The following NFATC1 variants were observed in gnomAD, a reference collection of about 807,000 sequenced individuals.
The protein encoded by NFATC1 is nuclear factor of activated T cells 1, also known as nuclear factor of activated T-cells, cytoplasmic 1.
Under a neutral mutation model 76.0 loss-of-function variants are expected in NFATC1, and 22 were observed. That is an observed-to-expected ratio of 0.29 (90% confidence interval 0.21 to 0.41). NFATC1 has a LOEUF of 0.41. NFATC1 is among the 10% of genes least tolerant of loss of function. The pLI is 1.00. For synonymous variants in NFATC1, 704 were observed against 613.1 expected, an observed-to-expected ratio of 1.15 and a Z score of -2.19; for missense variants, 1,357 against 1,337.7, an observed-to-expected ratio of 1.01 and a Z score of -0.23.
At chr18:79,418,439 G>C (rs1291441174) in intron 2 of NFATC1, among the ~76,000 whole-genome samples, 1 of 152,214 alleles carries the variant, frequency 6.6e-6, no homozygotes, top group Non-Finnish European at 1.5e-5. Flanking sequence ...GGCGAGCTCA[G>C]CCCTCTTGTC....
intron 2 of NFATC1, among the ~76,000 whole-genome samples, chr18:79,411,921 C>A (rs959573984): frequency 1.3e-5 from 2 of 152,198 alleles, no homozygotes; most frequent in Non-Finnish European, 1.5e-5. Context: ...CGGGGAATTG[C>A]ACGTGCCTGG....
intron 1 of NFATC1, 64 bp downstream of exon 1, chr18:79,396,415 C>T (rs1267789154): frequency 4.6e-5 from 49 of 1,054,120 alleles, no homozygotes; most frequent in Non-Finnish European, 5.6e-5. Flanking sequence ...CCGCGCCCCC[C>T]GACCCCGCCC....
At chr18:79,400,612 G>C (rs1287787618) in intron 1 of NFATC1, 1 of 764,256 alleles carries the variant, frequency 1.3e-6, no homozygotes, top group South Asian at 3.7e-5. Flanking sequence ...GAGGGGCTAC[G>C]GCGGGGGACG....
At chr18:79,449,328 C>T (rs1163376534) in intron 4 of NFATC1, among the ~76,000 whole-genome samples, 1 of 152,222 alleles carries the variant, frequency 6.6e-6, no homozygotes, top group Non-Finnish European at 1.5e-5. Context: ...TTAAAGCAGT[C>T]AGCACATCTG....
intron 6 of NFATC1, among the ~76,000 whole-genome samples, chr18:79,456,911 G>C (rs1280348902): frequency 6.6e-6 from 1 of 152,246 alleles, no homozygotes; most frequent in East Asian, 1.9e-4. Context: ...CCTGTGTGGA[G>C]CAGCTCAGCT....
intron 9 of NFATC1, among the ~76,000 whole-genome samples, chr18:79,495,177 C>T (rs113071757): frequency 0.026 from 4,001 of 152,344 alleles, 180 homozygotes; most frequent in African/African-American, 0.088. Context: ...AGGTCTCCCG[C>T]CGTGGCGTGC....
chr18:79,451,594 G>T (rs1333223657), intron 5 of NFATC1, 82 bp from the exon 6 acceptor site: 10 of 1,399,332 alleles, frequency 7.1e-6, no homozygotes, highest in African/African-American at 1.5e-5. Flanking sequence ...GTCGGCTCAC[G>T]TGTGACCTGC....
intron 1 of NFATC1, among the ~76,000 whole-genome samples, chr18:79,401,515 G>C (rs2085255816): frequency 1.3e-5 from 2 of 152,236 alleles, no homozygotes; most frequent in Non-Finnish European, 2.9e-5. Context: ...GATGAGGGTG[G>C]GAGAGAGACC....
In NFATC1 at chr18:79,487,227, T is replaced by C. The variant is rs561445216; in HGVS notation, c.2782+290T>C. ...CCTGTCCCGGGGTCTAAGGCTCACATTGGTGTCCAGGTTTGCTTCTGCAGC... is the reference window on the plus strand; with the variant it reads ...CCTGTCCCGGGGTCTAAGGCTCACACTGGTGTCCAGGTTTGCTTCTGCAGC... On this transcript the variant is annotated intron_variant, in intron 9 of 9. Coordinates refer to ENST00000427363, the MANE Select transcript of NFATC1 (RefSeq NM_001278669.2). Among the ~76,000 whole-genome samples, 4 of 152,312 alleles carry C rather than the reference T, an allele frequency of 2.6e-5. No homozygotes were observed. The East Asian group carries it at 7.7e-4, about 29-fold the overall frequency.
chr18:79,463,271 G>C (rs1051609272), intron 7 of NFATC1, among the ~76,000 whole-genome samples: 22 of 152,196 alleles, frequency 1.4e-4, no homozygotes, highest in African/African-American at 4.3e-4. Flanking sequence ...GAAGCCCCTT[G>C]AGGAAAGCTG....
intron 7 of NFATC1, among the ~76,000 whole-genome samples, chr18:79,464,753 T>C (rs2088379419): frequency 6.7e-6 from 1 of 148,504 alleles, no homozygotes; most frequent in Admixed American, 6.7e-5. Flanking sequence ...TCATCCAGGC[T>C]GGAGTCCAGT....
chr18:79,458,701 C>T (rs1344192531), intron 6 of NFATC1, among the ~76,000 whole-genome samples: 1 of 152,274 alleles, frequency 6.6e-6, no homozygotes, highest in African/African-American at 2.4e-5. Context: ...CGGCTGCCTT[C>T]CTTCCTGCCA....
chr18:79,405,926 C>G (rs945085982), intron 1 of NFATC1, among the ~76,000 whole-genome samples: 1 of 152,322 alleles, frequency 6.6e-6, no homozygotes, highest in East Asian at 1.9e-4. Context: ...CCTCACTTCC[C>G]CTCACGCCTG....
At chr18:79,516,656 G>A (rs538174889) in intron 9 of NFATC1, among the ~76,000 whole-genome samples, 1 of 152,222 alleles carries the variant, frequency 6.6e-6, no homozygotes, top group Non-Finnish European at 1.5e-5. Context: ...TGTGAAGGAG[G>A]AAACATTTAT....
chr18:79,500,496 G>GA (rs902274738), intron 9 of NFATC1, among the ~76,000 whole-genome samples: 3 of 151,530 alleles, frequency 2.0e-5, no homozygotes, highest in African/African-American at 4.8e-5. Context: ...AAAAAGGAGA[G>GA]AAAAAACCCA....
chr18:79,405,709 CGTTTTGTCATTTGTTTGATCAG>C (rs2085412370), intron 1 of NFATC1, among the ~76,000 whole-genome samples: 1 of 152,226 alleles, frequency 6.6e-6, no homozygotes, highest in Non-Finnish European at 1.5e-5. Flanking sequence ...TTTGAGCTTT[CGTTTTGTCATTTGTTTGATCAG>C]GGAAAACGCA....
chr18:79,500,946 C>T (rs760299605), intron 9 of NFATC1, among the ~76,000 whole-genome samples: 44 of 152,180 alleles, frequency 2.9e-4, no homozygotes, highest in African/African-American at 1.0e-3. Flanking sequence ...CAATACTCCA[C>T]AAACTCTTCA....
chr18:79,411,251 G>A lies in NFATC1; in HGVS notation c.976G>A (p.Asp326Asn). 1 of 1,603,504 alleles carries A rather than the reference G, an allele frequency of 6.2e-7. No individual in the cohort carries two copies. The highest frequency in any genetic ancestry group is 1.7e-5 in the Admixed American group (1 of 60,016). Residue 326 changes from aspartate (D) to asparagine (N), a missense_variant, in exon 2 of 10, where the codon GAC becomes AAC. By Grantham distance (23) the Asp-to-Asn change is conservative. Around this residue, in one of 3 missense-constraint regions of NFATC1, gnomAD observed 691 missense variants for 613.1 expected, o/e 1.13. Transcript: ENST00000427363. ...CGCGCTGACCACCGACAGCAGCCTG[G>A]ACCTGGGAGATGGCGTCCCTGTCAA... ...INALTTDSSL[D>N]LGDGVPVKSR... is the part of the protein sequence containing the mutation.
chr18:79,476,981 A>G (rs1600860326), intron 8 of NFATC1, among the ~76,000 whole-genome samples: 1 of 152,118 alleles, frequency 6.6e-6, no homozygotes. Flanking sequence ...GTTCGGAAGG[A>G]CCCTTCTCTG....
Sources: allele counts gnomAD v4.1 joint callset (sites outside exome capture counted in the v4.1 genomes callset), GRCh38; gene constraint gnomAD v4.1.1; regional missense constraint gnomAD v4.1.1; transcripts MANE v1.5; gene names NCBI Gene and HGNC (gene_info 2026-07-23, HGNC 2026-07-21).